Variants in EIF2B3 observed in about 807,000 individuals in gnomAD.
EIF2B3 encodes the protein eukaryotic translation initiation factor 2B subunit gamma.
Under a neutral mutation model 54.1 loss-of-function variants are expected in EIF2B3, and 20 were observed. The observed-to-expected ratio is 0.37, with a 90% confidence interval of 0.26 to 0.54. EIF2B3 has a LOEUF of 0.54. Ranked by LOEUF, EIF2B3 falls within the 20% of genes least tolerant of loss-of-function variation. The pLI, the probability that EIF2B3 is intolerant of heterozygous loss-of-function variation, is 0.86. For missense variants in EIF2B3, 448 were observed against 547.8 expected (o/e 0.82, Z 1.82); for synonymous variants, 153 against 188.1 (o/e 0.81, Z 1.52).
intron 4 of EIF2B3, among the ~76,000 whole-genome samples, chr1:44,936,107 A>G (rs1342987806): frequency 3.3e-5 from 5 of 152,272 alleles, no homozygotes; most frequent in African/African-American, 1.2e-4. Context: ...CTGATGAAAA[A>G]AAAGAAATGA....
chr1:44,909,216 T>C lies in EIF2B3; in HGVS notation c.567-11772A>G, dbSNP rs905089990. 4.6e-5 allele frequency among the ~76,000 whole-genome samples: 7 copies of C among 151,864 alleles called. No individual in the cohort carries two copies. In the South Asian group the frequency reaches 1.3e-3, roughly 27 times the overall value. On this transcript the variant is annotated intron_variant, in intron 5 of 11. Transcript: ENST00000360403. ...TGGTGGTAGTAAGGGACTAGAAAGA[T>C]TTGAGGCTGAAATAAGGAAACAGGA...
At position 44,904,894 on chromosome 1, in the gene EIF2B3, T is replaced by A. The variant is rs958601919; in HGVS notation, c.567-7450A>T. Among the ~76,000 whole-genome samples the A allele has an allele frequency of 2.5e-4, 38 of 152,178 alleles. 1 individual carries two copies. Among genetic ancestry groups the A allele is most frequent in the Admixed American group, 9.8e-4 (15 of 15,268 alleles). ...GAATCAGAGCTAATTCACTACTCCCTAATCACTGCAATTTAGAAGAAACTA... is the reference window on the plus strand; with the variant it reads ...GAATCAGAGCTAATTCACTACTCCCAAATCACTGCAATTTAGAAGAAACTA... On this transcript the variant is annotated intron_variant, in intron 5 of 11. Transcript: ENST00000360403.
Position 44,890,949 on chromosome 1 carries a change from C to G in EIF2B3, c.656+6406G>C, listed in dbSNP as rs139998225. ...ATCTCTGTCAAGACTTTCAACTTCT[C>G]TTCATCTTTACTGCCACTGCCTGGT... On this transcript the variant is annotated intron_variant, in intron 6 of 11. Coordinates refer to ENST00000360403, the MANE Select transcript of EIF2B3 (RefSeq NM_020365.5). 4.7e-3 allele frequency among the ~76,000 whole-genome samples: 711 copies of G among 152,262 alleles called. 1 individual carries two copies. Among genetic ancestry groups the G allele is most frequent in the East Asian group, 7.1e-3 (37 of 5,186 alleles).
intron 5 of EIF2B3, among the ~76,000 whole-genome samples, chr1:44,911,336 A>C (rs1487241414): frequency 6.6e-6 from 1 of 152,198 alleles, no homozygotes. Flanking sequence ...AAGAACAAGG[A>C]AAAAAATCTG....
intron 6 of EIF2B3, among the ~76,000 whole-genome samples, chr1:44,893,709 C>CAGTACTGAT (rs1655876481): frequency 6.6e-6 from 1 of 152,168 alleles, no homozygotes; most frequent in Non-Finnish European, 1.5e-5. Context: ...GTAAGTACTG[C>CAGTACTGAT]ATGGCAATAT....
intron 11 of EIF2B3, among the ~76,000 whole-genome samples, chr1:44,856,197 T>G (rs1654429171): frequency 6.6e-6 from 1 of 152,108 alleles, no homozygotes; most frequent in South Asian, 2.1e-4. Flanking sequence ...CCAAGGTAGC[T>G]ATTATTGTCC....
At chr1:44,980,927 G>T (rs1279504305) in intron 2 of EIF2B3, 94 bp downstream of exon 2, 8 of 1,498,068 alleles carry the variant, frequency 5.3e-6, no homozygotes, top group African/African-American at 4.1e-5. Flanking sequence ...ACGAGTTCTA[G>T]TCACCCTCTC....
At chr1:44,901,550 CTTTTT>C (rs36059931) in intron 5 of EIF2B3, among the ~76,000 whole-genome samples, 5 of 111,574 alleles carry the variant, frequency 4.5e-5, no homozygotes, top group African/African-American at 1.6e-4. Context: ...TGGGCCTGGC[CTTTTT>C]TTTTTTTTTT....
In EIF2B3 at chr1:44,947,424, C is replaced by T. The variant is rs565132406; in HGVS notation, c.295-5759G>A. Among the ~76,000 whole-genome samples the T allele has an allele frequency of 9.2e-5, 14 of 152,172 alleles. No homozygotes were observed. The South Asian group carries it at 1.0e-3, about 11-fold the overall frequency. ...AAATCTCTCATTACAAGAACATTTT[C>T]GATCAAGCCAAAACCACTGAGTAAA... On this transcript the variant is annotated intron_variant, in intron 3 of 11. Transcript: ENST00000360403.
chr1:44,903,705 C>G (rs779914957), intron 5 of EIF2B3, among the ~76,000 whole-genome samples: 1 of 152,152 alleles, frequency 6.6e-6, no homozygotes, highest in Admixed American at 6.6e-5. Flanking sequence ...AATTTCTAGC[C>G]TAGTGGGAGA....
At chr1:44,948,882 G>T (rs1644132225) in intron 3 of EIF2B3, among the ~76,000 whole-genome samples, 1 of 151,556 alleles carries the variant, frequency 6.6e-6, no homozygotes, top group South Asian at 2.1e-4. Flanking sequence ...TTGAGAAAGA[G>T]TCTCGCTCTA....
At chr1:44,903,213 C>A (rs1643349048) in intron 5 of EIF2B3, among the ~76,000 whole-genome samples, 2 of 152,124 alleles carry the variant, frequency 1.3e-5, no homozygotes, top group Non-Finnish European at 2.9e-5. Flanking sequence ...TGAAAGGCAG[C>A]CTTGAAAGAA....
intron 10 of EIF2B3, among the ~76,000 whole-genome samples, chr1:44,859,881 C>G (rs1250760565): frequency 3.9e-5 from 6 of 151,912 alleles, no homozygotes; most frequent in Non-Finnish European, 7.4e-5. Context: ...CTCAGCCCCC[C>G]AAGTAGCTGG....
intron 5 of EIF2B3, among the ~76,000 whole-genome samples, chr1:44,902,598 G>A (rs1354863026): frequency 6.6e-6 from 1 of 152,042 alleles, no homozygotes; most frequent in African/African-American, 2.4e-5. Flanking sequence ...AGTGTGGGAG[G>A]ACTGCTCAAG....
At chr1:44,943,512 T>C (rs925434853) in intron 3 of EIF2B3, among the ~76,000 whole-genome samples, 2 of 151,782 alleles carry the variant, frequency 1.3e-5, no homozygotes, top group African/African-American at 4.8e-5. Context: ...CTCGACTTCC[T>C]GGGCTCAAGT....
At chr1:44,946,875 A>G (rs1193881115) in intron 3 of EIF2B3, among the ~76,000 whole-genome samples, 2 of 152,156 alleles carry the variant, frequency 1.3e-5, no homozygotes, top group Admixed American at 6.6e-5. Context: ...GAGCCCAGAG[A>G]GAGAAAGTAG....
chr1:44,964,797 C>CTA (rs1644319895), intron 3 of EIF2B3, among the ~76,000 whole-genome samples: 1 of 152,118 alleles, frequency 6.6e-6, no homozygotes, highest in South Asian at 2.1e-4. Flanking sequence ...TCTGGAATTT[C>CTA]TAAATTAAAA....
intron 5 of EIF2B3, among the ~76,000 whole-genome samples, chr1:44,917,755 CTTTTTTTTTTTTTTTTTTTTTTTT>C (rs869139321): frequency 6.8e-5 from 3 of 44,240 alleles, no homozygotes; most frequent in South Asian, 9.6e-4. Context: ...CAATAACACT[CTTTTTTTTTTTTTTTTTTTTTTTT>C]TTTTTTTTTT....
intron 4 of EIF2B3, among the ~76,000 whole-genome samples, chr1:44,928,167 G>A (rs976044975): frequency 4.0e-5 from 6 of 151,302 alleles, no homozygotes; most frequent in South Asian, 4.2e-4. Flanking sequence ...TAAATAGGCC[G>A]GGCATGGTGG....
Sources: allele counts gnomAD v4.1 joint callset (sites outside exome capture counted in the v4.1 genomes callset), GRCh38; gene constraint gnomAD v4.1.1; transcripts MANE v1.5; gene names NCBI Gene and HGNC (gene_info 2026-07-23, HGNC 2026-07-21).